The following ADAMTS12 variants were observed in gnomAD, a reference collection of about 807,000 sequenced individuals.
The protein encoded by ADAMTS12 is ADAM metallopeptidase with thrombospondin type 1 motif 12.
ADAMTS12 carries 118 observed loss-of-function variants against 167.8 expected under a neutral mutation model. That is an observed-to-expected ratio of 0.70 (90% CI 0.61 to 0.82). The LOEUF (loss-of-function observed/expected upper bound fraction) is 0.82, where lower values mean the gene tolerates loss of function less well. Ranked by LOEUF, ADAMTS12 falls within the 40% of genes least tolerant of loss-of-function variation. The probability of loss-of-function intolerance (pLI) is 0.00; values close to 1 mark genes in which losing one functional copy is unlikely to be tolerated. For synonymous variants in ADAMTS12, 704 were observed against 716.9 expected (o/e 0.98, Z 0.29); for missense variants, 1,916 against 1,998.8 (o/e 0.96, Z 0.79).
chr5:33,602,209 G>A (rs376603310), intron 16 of ADAMTS12, among the ~76,000 whole-genome samples: 5 of 152,252 alleles, frequency 3.3e-5, no homozygotes, highest in East Asian at 1.9e-4. Flanking sequence ...ATAAATCTCC[G>A]CTGGCCGCAC....
At chr5:33,756,375 C>T (rs190069330) in intron 2 of ADAMTS12, among the ~76,000 whole-genome samples, 4 of 152,296 alleles carry the variant, frequency 2.6e-5, no homozygotes, top group East Asian at 1.9e-4. Flanking sequence ...TTTTAGGCGG[C>T]GAAGCCAAGA....
rs756725143 is a variant in ADAMTS12, at chr5:33,658,380, G to A, written c.1041-47C>T. ...GCTAAGGCGCCCAAAGGAACATCTG[G>A]AAAAACCTCCTGGAAAAAAATCTGG... On this transcript the variant is annotated intron_variant, in intron 6 of 23. Coordinates refer to ENST00000504830, the MANE Select transcript of ADAMTS12 (RefSeq NM_030955.4). 1.9e-5 allele frequency: 30 copies of A among 1,596,184 alleles called. 1 individual carries two copies. The South Asian group carries it at 2.9e-4, about 16-fold the overall frequency.
At chr5:33,820,018 T>C (rs12187521) in intron 2 of ADAMTS12, among the ~76,000 whole-genome samples, 46,861 of 152,104 alleles carry the variant, frequency 0.31, 7,772 homozygotes, top group Non-Finnish European at 0.36. Context: ...CTAGGTATTG[T>C]TGGGCATGGT....
At position 33,881,337 on chromosome 5, in the gene ADAMTS12, C is replaced by T. The variant is rs771158358; in HGVS notation, c.271G>A (p.Val91Met). 9 of 1,614,214 alleles carry T rather than the reference C, an allele frequency of 5.6e-6. No individual in the cohort carries two copies. Among genetic ancestry groups the T allele is most frequent in the Non-Finnish European group, 7.6e-6 (9 of 1,180,036 alleles). The change falls in exon 2 of 24, where the codon GTG (valine) becomes ATG (methionine). Residue 91 changes from valine (V) to methionine (M), a missense_variant. By Grantham distance (21) the Val-to-Met change is conservative (BLOSUM62 1). Coordinates refer to ENST00000504830, the MANE Select transcript of ADAMTS12 (RefSeq NM_030955.4). ...TCCTCGTGAGAAATTCTGTAGTACA[C>T]CCAGTCCTCTGAGCCATCCAAATCT... ...KRDLDGSEDWVYYRISHEEKD... is the reference protein window; with the variant it reads ...KRDLDGSEDWMYYRISHEEKD...
intron 2 of ADAMTS12, among the ~76,000 whole-genome samples, chr5:33,752,419 G>A (rs935093923): frequency 2.0e-4 from 30 of 152,294 alleles, no homozygotes; most frequent in African/African-American, 6.5e-4. Context: ...GCTCAGACTC[G>A]GGAATTAAAT....
rs564093545 is a variant in ADAMTS12, at chr5:33,678,196, C to A, written c.915+4822G>T. Among the ~76,000 whole-genome samples, 6 of 152,304 alleles carry A rather than the reference C, an allele frequency of 3.9e-5. No individual in the cohort carries two copies. In the East Asian group the frequency reaches 1.2e-3, roughly 29 times the overall value. ...GTTGGTTTGGAATAATCTAGAGTATCCCACAGGATTAGATCCAAAGTCCTT... is the reference window on the plus strand; with the variant it reads ...GTTGGTTTGGAATAATCTAGAGTATACCACAGGATTAGATCCAAAGTCCTT... On this transcript the variant is annotated intron_variant, in intron 5 of 23. Coordinates refer to ENST00000504830, the MANE Select transcript of ADAMTS12 (RefSeq NM_030955.4).
chr5:33,784,908 G>A (rs1332835199), intron 2 of ADAMTS12, among the ~76,000 whole-genome samples: 1 of 152,082 alleles, frequency 6.6e-6, no homozygotes, highest in African/African-American at 2.4e-5. Context: ...TGGACTTTCA[G>A]TACCTAATTT....
At chr5:33,830,193 C>A (rs904484456) in intron 2 of ADAMTS12, among the ~76,000 whole-genome samples, 1 of 152,064 alleles carries the variant, frequency 6.6e-6, no homozygotes, top group Non-Finnish European at 1.5e-5. Context: ...GTTGGAAGAC[C>A]TCAGTTAAAT....
At chr5:33,536,340 T>G (rs1163415273) in intron 22 of ADAMTS12, among the ~76,000 whole-genome samples, 1 of 152,172 alleles carries the variant, frequency 6.6e-6, no homozygotes, top group Admixed American at 6.5e-5. Context: ...AACTGGAAGT[T>G]TAGCCATTTG....
chr5:33,828,000 C>G (rs1367070868), intron 2 of ADAMTS12, among the ~76,000 whole-genome samples: 1 of 152,140 alleles, frequency 6.6e-6, no homozygotes, highest in Admixed American at 6.6e-5. Context: ...AAAATCAGCA[C>G]TGTGATCATT....
rs1745735519 is a variant in ADAMTS12 at position 33,561,194 on chromosome 5, G to C, written c.3973-15C>G. 3 of 1,597,984 alleles carry C rather than the reference G, an allele frequency of 1.9e-6. No homozygotes were observed. The South Asian group carries it at 3.5e-5, about 19-fold the overall frequency. On this transcript the variant is annotated splice_polypyrimidine_tract_variant and intron_variant, in intron 19 of 23. Transcript: ENST00000504830. ...GTGGTGGAGCACTGTAGCAGGGAAG[G>C]AGAGAGATGACAGAGGCTGAGTGTC... is the stretch of plus-strand genomic sequence containing the variant.
At chr5:33,571,072 A>G (rs1420939453) in intron 19 of ADAMTS12, among the ~76,000 whole-genome samples, 1 of 152,206 alleles carries the variant, frequency 6.6e-6, no homozygotes, top group East Asian at 1.9e-4. Context: ...TGCACCCAAT[A>G]CAGGAGCACC....
Position 33,754,915 on chromosome 5 carries a change from T to A in ADAMTS12, c.490-3367A>T, listed in dbSNP as rs188883906. Among the ~76,000 whole-genome samples, 556 of 152,298 alleles carry A rather than the reference T, an allele frequency of 3.7e-3. 4 individuals carry two copies. The highest frequency in any genetic ancestry group is 0.012 in the African/African-American group (518 of 41,564). Reference sequence around the variant, plus strand: ...ATCTGTGAATGCTTCCCAAGTCTACTAAAAACTGTTTTAAATAAACTTTAT... The same window carrying A: ...ATCTGTGAATGCTTCCCAAGTCTACAAAAAACTGTTTTAAATAAACTTTAT... On this transcript the variant is annotated intron_variant, in intron 2 of 23. Coordinates refer to ENST00000504830, the MANE Select transcript of ADAMTS12 (RefSeq NM_030955.4).
intron 2 of ADAMTS12, among the ~76,000 whole-genome samples, chr5:33,794,301 C>A (rs899968087): frequency 6.6e-6 from 1 of 152,180 alleles, no homozygotes; most frequent in Admixed American, 6.5e-5. Flanking sequence ...CAGGAGAAGT[C>A]CGCTTCCTTC....
At chr5:33,781,196 A>T (rs1746112161) in intron 2 of ADAMTS12, among the ~76,000 whole-genome samples, 1 of 152,102 alleles carries the variant, frequency 6.6e-6, no homozygotes, top group African/African-American at 2.4e-5. Flanking sequence ...ATAGATACAG[A>T]TATACACACA....
At chr5:33,773,783 C>CT (rs1579923967) in intron 2 of ADAMTS12, among the ~76,000 whole-genome samples, 2 of 152,266 alleles carry the variant, frequency 1.3e-5, no homozygotes, top group East Asian at 1.9e-4. Context: ...TTATGATAGA[C>CT]TTTTTTTGCA....
At chr5:33,538,833 C>T (rs1001295395) in intron 22 of ADAMTS12, among the ~76,000 whole-genome samples, 6 of 152,184 alleles carry the variant, frequency 3.9e-5, no homozygotes, top group African/African-American at 1.4e-4. Flanking sequence ...GCTTCCCTGG[C>T]ACTGAATTTC....
chr5:33,654,749 T>C (rs79641002), intron 7 of ADAMTS12, among the ~76,000 whole-genome samples: 1,921 of 152,312 alleles, frequency 0.013, 28 homozygotes, highest in Non-Finnish European at 0.015. Flanking sequence ...GCCACAGTTG[T>C]ACAGTTTTTT....
intron 5 of ADAMTS12, among the ~76,000 whole-genome samples, chr5:33,681,681 C>T (rs10076385): frequency 0.053 from 8,017 of 152,262 alleles, 435 homozygotes; most frequent in East Asian, 0.17. Flanking sequence ...TTTGAATAAA[C>T]TGGTCACTGA....
Sources: gnomAD v4.1 joint callset for allele counts (sites outside exome capture counted in the v4.1 genomes callset) on GRCh38, gnomAD v4.1.1 for gene constraint, MANE v1.5 for transcripts, NCBI Gene and HGNC (gene_info 2026-07-23, HGNC 2026-07-21) for gene names.